The following GAPVD1 variants were observed in gnomAD, a reference collection of about 807,000 sequenced individuals.
The protein encoded by GAPVD1 is GTPase activating protein and VPS9 domains 1.
GAPVD1 carries 35 observed loss-of-function variants against 155.5 expected under a neutral mutation model. That is an observed-to-expected ratio of 0.23 (90% CI 0.17 to 0.30). GAPVD1 has a LOEUF of 0.30. GAPVD1 is among the 10% of genes least tolerant of loss of function. GAPVD1 has a pLI of 1.00. For missense variants in GAPVD1, 1,429 were observed against 1,775.7 expected (o/e 0.80, Z 3.51); for synonymous variants, 636 against 619.7 (o/e 1.03, Z -0.39).
chr9:125,353,746 TTGAGA>T, intron 23 of GAPVD1, among the ~76,000 whole-genome samples: 1 of 152,296 alleles, frequency 6.6e-6, no homozygotes, highest in South Asian at 2.1e-4. Context: ...ATCAGATCTC[TTGAGA>T]CTTAGTATCA....
chr9:125,350,748 G>T lies in GAPVD1; in HGVS notation c.3445G>T (p.Ala1149Ser). 2 of 1,564,522 alleles carry T rather than the reference G, an allele frequency of 1.3e-6. No individual in the cohort carries two copies. The highest frequency in any genetic ancestry group is 1.8e-6 in the Non-Finnish European group (2 of 1,135,210). Residue 1149 changes from alanine to serine, a missense_variant, in exon 23 of 28, where the codon GCT (alanine) becomes TCT (serine). Coordinates refer to ENST00000297933, the MANE Select transcript of GAPVD1 (RefSeq NM_001282680.3). Reference protein sequence around the residue: ...EIVCFLKVQIAEAINLQDKNL... With the variant: ...EIVCFLKVQISEAINLQDKNL... ...TGTATGCTTCTTAAAAGTTCAAATA[G>T]CTGAAGCAATTAATTTACAAGATAA...
chr9:125,332,391 A>T (rs538038082), intron 14 of GAPVD1, 119 bp from the exon 15 acceptor site: 170 of 751,128 alleles, frequency 2.3e-4, no homozygotes, highest in Non-Finnish European at 3.3e-4. Flanking sequence ...TACTAAACTC[A>T]CATGTATAGA....
At chr9:125,281,816 T>C (rs1167254683) in intron 2 of GAPVD1, among the ~76,000 whole-genome samples, 1 of 151,992 alleles carries the variant, frequency 6.6e-6, no homozygotes, top group Non-Finnish European at 1.5e-5. Flanking sequence ...CTCTTAAAGA[T>C]AATTGGCTTT....
chr9:125,302,705 G>A lies in GAPVD1; in HGVS notation c.908G>A (p.Arg303Lys), dbSNP rs1288842220. ...CVDRLEVGEV[R>K]AMCTDLLLAC... Reference sequence around the variant, plus strand: ...GATAGGCTGGAAGTTGGGGAGGTCAGGGCAATGTGTACTGATCTCCTGTTG... The same window carrying A: ...GATAGGCTGGAAGTTGGGGAGGTCAAGGCAATGTGTACTGATCTCCTGTTG... The change falls in exon 5 of 28, where the codon AGG (arginine) becomes AAG (lysine). Residue 303 changes from arginine (R) to lysine (K), a missense_variant. By Grantham distance (26) the Arg-to-Lys change is conservative. Coordinates refer to ENST00000297933, the MANE Select transcript of GAPVD1 (RefSeq NM_001282680.3). 1.2e-6 allele frequency: 2 copies of A among 1,610,734 alleles called. No homozygotes were observed. The highest frequency in any genetic ancestry group is 4.5e-5 in the East Asian group (2 of 44,678).
At chr9:125,272,968 A>T (rs141790469) in intron 2 of GAPVD1, among the ~76,000 whole-genome samples, 1 of 152,254 alleles carries the variant, frequency 6.6e-6, no homozygotes, top group Non-Finnish European at 1.5e-5. Context: ...CGCTGTATTT[A>T]TGGAAGCAGC....
At position 125,341,209 on chromosome 9, in the gene GAPVD1, A is replaced by G. The variant is rs1307520834; in HGVS notation, c.2910A>G (p.Lys970=). 1 of 1,607,812 alleles carries G rather than the reference A, an allele frequency of 6.2e-7. No individual in the cohort carries two copies. The highest frequency in any genetic ancestry group is 8.5e-7 in the Non-Finnish European group (1 of 1,174,282). ...TEERKDSDDE[K]SDRNRPWWRK... is the part of the protein sequence containing the mutation. The stretch of plus-strand genomic sequence containing the variant: ...AACGCAAAGATAGCGATGATGAGAA[A>G]TCAGACAGGAACAGACCTTGGTGGA... Residue 970 remains lysine, a synonymous_variant, in exon 18 of 28, where the codon AAA becomes AAG. Transcript: ENST00000297933.
At chr9:125,328,111 C>A (rs893692221) in intron 12 of GAPVD1, among the ~76,000 whole-genome samples, 2 of 149,840 alleles carry the variant, frequency 1.3e-5, no homozygotes, top group Non-Finnish European at 3.0e-5. Flanking sequence ...GCCTTTTGAA[C>A]TTCAGTGTTT....
At chr9:125,318,136 CA>C (rs1843726974) in intron 9 of GAPVD1, among the ~76,000 whole-genome samples, 1 of 152,198 alleles carries the variant, frequency 6.6e-6, no homozygotes, top group South Asian at 2.1e-4. Flanking sequence ...AGGCATATGC[CA>C]CTATGCCCAG....
intron 20 of GAPVD1, 99 bp from the exon 21 acceptor site, chr9:125,349,291 C>G: frequency 1.1e-6 from 1 of 950,550 alleles, no homozygotes; most frequent in Non-Finnish European, 1.6e-6. Context: ...TATTATTAGT[C>G]AATGGTAATT....
Position 125,364,005 on chromosome 9 carries a change from A to T in GAPVD1, c.*1259A>T, listed in dbSNP as rs755065512. On this transcript the variant is annotated 3_prime_UTR_variant, in exon 28 of 28. Transcript: ENST00000297933. Reference sequence around the variant, plus strand: ...AAAGCTTCAAGCACAAGTCTTGTACATGGGCCATCACTGTCTGGTTTCACT... The same window carrying T: ...AAAGCTTCAAGCACAAGTCTTGTACTTGGGCCATCACTGTCTGGTTTCACT... The T allele has an allele frequency of 1.3e-5, 2 of 152,626 alleles. No individual in the cohort carries two copies. Among genetic ancestry groups the T allele is most frequent in the Non-Finnish European group, 2.9e-5 (2 of 68,046 alleles). The allele number at this position is 152,626 out of a possible 1,614,324, so 9.5% of individuals were successfully genotyped here.
chr9:125,347,219 G>A (rs1414296492), intron 20 of GAPVD1, among the ~76,000 whole-genome samples: 1 of 152,084 alleles, frequency 6.6e-6, no homozygotes, highest in African/African-American at 2.4e-5. Flanking sequence ...AATGGGAGGA[G>A]GTTCTTTTTC....
intron 2 of GAPVD1, among the ~76,000 whole-genome samples, chr9:125,293,898 AT>A: frequency 9.9e-6 from 1 of 101,208 alleles, no homozygotes; most frequent in Non-Finnish European, 1.9e-5. Flanking sequence ...ATATATATAT[AT>A]ATATAAGTTT....
Position 125,291,800 on chromosome 9 carries a change from G to A in GAPVD1, c.-149-3658G>A, listed in dbSNP as rs570463226. Among the ~76,000 whole-genome samples, 10 of 152,254 alleles carry A rather than the reference G, an allele frequency of 6.6e-5. No homozygotes were observed. The East Asian group carries it at 1.7e-3, about 26-fold the overall frequency. ...GTTCCCATGGGAAAGCCAGATTTTA[G>A]TTAAGGCAGGAAGGTAAAGAGAACC... On this transcript the variant is annotated intron_variant, in intron 2 of 27. Coordinates refer to ENST00000297933, the MANE Select transcript of GAPVD1 (RefSeq NM_001282680.3).
chr9:125,302,823 G>T lies in GAPVD1; in HGVS notation c.1026G>T (p.Met342Ile), dbSNP rs1347620539. 1.9e-6 allele frequency: 3 copies of T among 1,590,328 alleles called. No individual in the cohort carries two copies. The change falls in exon 5 of 28, where the codon ATG becomes ATT. Residue 342 changes from methionine to isoleucine, a missense_variant. Physicochemically the swap from Met to Ile is conservative, Grantham distance 10 (BLOSUM62 1). Around this residue, in one of 4 missense-constraint regions of GAPVD1, gnomAD observed 628 missense variants for 733.4 expected, o/e 0.86. Coordinates refer to ENST00000297933, the MANE Select transcript of GAPVD1 (RefSeq NM_001282680.3). ...PINEVARFNL[M>I]QVGRLLQQLA... Reference sequence around the variant, plus strand: ...ATGAAGTAGCACGATTTAATCTGATGCAGGTATGCTTTTGCTATTATTATT... The same window carrying T: ...ATGAAGTAGCACGATTTAATCTGATTCAGGTATGCTTTTGCTATTATTATT...
chr9:125,272,919 G>A (rs1027583080), intron 2 of GAPVD1, among the ~76,000 whole-genome samples: 2 of 152,136 alleles, frequency 1.3e-5, no homozygotes, highest in African/African-American at 2.4e-5. Context: ...GAGGCTCAAA[G>A]TTCTCTTTCT....
intron 15 of GAPVD1, among the ~76,000 whole-genome samples, chr9:125,333,485 C>CTTTTTTTTT (rs36083522): frequency 8.0e-6 from 1 of 124,368 alleles, no homozygotes; most frequent in Admixed American, 8.6e-5. Context: ...TACCTTTTGT[C>CTTTTTTTTT]TTTTTTTTTT....
At chr9:125,350,604 G>C in intron 22 of GAPVD1, 109 bp from the exon 23 acceptor site, 2 of 730,276 alleles carry the variant, frequency 2.7e-6, no homozygotes, top group Non-Finnish European at 4.6e-6. Context: ...ATACAGCTTA[G>C]TTCTAATGAT....
chr9:125,329,401 G>T (rs1038389662), intron 12 of GAPVD1, among the ~76,000 whole-genome samples: 1 of 152,116 alleles, frequency 6.6e-6, no homozygotes, highest in South Asian at 2.1e-4. Context: ...ATTTTAGAAC[G>T]ATATTAAGGA....
chr9:125,330,478 C>T (rs922137371), intron 13 of GAPVD1, among the ~76,000 whole-genome samples: 3 of 151,850 alleles, frequency 2.0e-5, no homozygotes, highest in South Asian at 2.1e-4. Flanking sequence ...CCCACCATGC[C>T]GGGTAATTTT....
Sources: gnomAD v4.1 joint callset for allele counts (sites outside exome capture counted in the v4.1 genomes callset) on GRCh38, gnomAD v4.1.1 for gene constraint, gnomAD v4.1.1 regional missense constraint, MANE v1.5 for transcripts, NCBI Gene and HGNC (gene_info 2026-07-23, HGNC 2026-07-21) for gene names.